Variants in USH2A observed in about 807,000 individuals in gnomAD.
USH2A encodes Usher syndrome 2A (autosomal recessive, mild).
USH2A carries 443 observed loss-of-function variants against 538.9 expected under a neutral mutation model. The observed-to-expected ratio is 0.82, with a 90% CI of 0.76 to 0.89. The LOEUF is 0.89. Ranked by LOEUF, USH2A falls within the 40% of genes least tolerant of loss-of-function variation. The pLI, the probability that USH2A is intolerant of heterozygous loss-of-function variation, is 0.00. For synonymous variants in USH2A, 2,413 were observed against 2,273.5 expected (o/e 1.06, Z -1.75); for missense variants, 6,633 against 6,324.8 (o/e 1.05, Z -1.65).
intron 10 of USH2A, among the ~76,000 whole-genome samples, chr1:216,291,330 C>T (rs988067000): frequency 6.6e-6 from 1 of 152,152 alleles, no homozygotes; most frequent in Non-Finnish European, 1.5e-5. Context: ...CCTTAGTTCA[C>T]CATCCTAATC....
intron 4 of USH2A, 144 bp downstream of exon 4, chr1:216,364,809 A>G (rs2038563150): frequency 9.0e-7 from 1 of 1,109,908 alleles, no homozygotes; most frequent in African/African-American, 1.6e-5. Context: ...ACTTTCATTA[A>G]TCTGCCATCC....
intron 44 of USH2A, among the ~76,000 whole-genome samples, chr1:215,854,220 A>G (rs1347795888): frequency 6.6e-6 from 1 of 152,166 alleles, no homozygotes; most frequent in Non-Finnish European, 1.5e-5. Context: ...TTGTGCAGGG[A>G]AACTCCCCTT....
At chr1:215,770,327 G>A (rs1320907088) in intron 55 of USH2A, among the ~76,000 whole-genome samples, 4 of 151,938 alleles carry the variant, frequency 2.6e-5, no homozygotes, top group Non-Finnish European at 5.9e-5. Context: ...CATAAAAATG[G>A]TAGAAACCAT....
intron 38 of USH2A, among the ~76,000 whole-genome samples, chr1:215,902,068 T>C (rs541589426): frequency 2.0e-5 from 3 of 152,306 alleles, no homozygotes; most frequent in African/African-American, 7.2e-5. Context: ...GAACTTTCTT[T>C]AGCATAATTT....
intron 3 of USH2A, among the ~76,000 whole-genome samples, chr1:216,400,954 A>G (rs2039293502): frequency 6.6e-6 from 1 of 152,206 alleles, no homozygotes; most frequent in Admixed American, 6.5e-5. Context: ...TTCTTTAAAT[A>G]GAAACAAAAT....
intron 12 of USH2A, among the ~76,000 whole-genome samples, chr1:216,249,042 T>C (rs557031947): frequency 3.5e-4 from 54 of 152,254 alleles, no homozygotes; most frequent in Non-Finnish European, 6.0e-4. Context: ...TTCTGAAGCG[T>C]ATACAACATA....
chr1:216,410,023 A>C (rs1461597825), intron 3 of USH2A, among the ~76,000 whole-genome samples: 1 of 152,112 alleles, frequency 6.6e-6, no homozygotes, highest in Non-Finnish European at 1.5e-5. Context: ...TACAAGAAAA[A>C]AACAACCCTA....
intron 51 of USH2A, among the ~76,000 whole-genome samples, chr1:215,788,759 C>A (rs991442829): frequency 1.3e-5 from 2 of 152,054 alleles, no homozygotes; most frequent in Non-Finnish European, 2.9e-5. Context: ...TCTGAGTAGA[C>A]ATAATTTTTA....
At chr1:216,181,390 G>A (rs1036502965) in intron 20 of USH2A, among the ~76,000 whole-genome samples, 4 of 152,198 alleles carry the variant, frequency 2.6e-5, no homozygotes, top group African/African-American at 9.6e-5. Context: ...GAAGCCAGCA[G>A]GAGCCCCTCT....
intron 4 of USH2A, among the ~76,000 whole-genome samples, chr1:216,344,705 C>T (rs1353042191): frequency 2.6e-5 from 4 of 151,460 alleles, no homozygotes; most frequent in Admixed American, 6.6e-5. Flanking sequence ...AATTTAGGGG[C>T]GTTAGAGTCT....
intron 37 of USH2A, among the ~76,000 whole-genome samples, chr1:215,940,165 A>G (rs1666600020): frequency 6.6e-6 from 1 of 152,106 alleles, no homozygotes; most frequent in Non-Finnish European, 1.5e-5. Flanking sequence ...TCTGAATCCA[A>G]TTACACCTTA....
chr1:216,409,609 C>T (rs2039451409), intron 3 of USH2A, among the ~76,000 whole-genome samples: 1 of 152,010 alleles, frequency 6.6e-6, no homozygotes, highest in Non-Finnish European at 1.5e-5. Flanking sequence ...TTTGAGAAAG[C>T]TGACAAAAAC....
chr1:216,368,776 A>G (rs1008198323), intron 3 of USH2A, among the ~76,000 whole-genome samples: 1 of 152,190 alleles, frequency 6.6e-6, no homozygotes, highest in Non-Finnish European at 1.5e-5. Context: ...TTGAGAAATT[A>G]TGTCTTAATT....
At chr1:216,175,570 T>TG in intron 20 of USH2A, 88 bp from the exon 21 acceptor site, 1 of 1,211,366 alleles carries the variant, frequency 8.3e-7, no homozygotes, top group African/African-American at 1.5e-5. Flanking sequence ...TATGTATTTG[T>TG]ATATATCACA....
intron 37 of USH2A, among the ~76,000 whole-genome samples, chr1:215,943,772 CTA>C (rs1012834416): frequency 2.0e-5 from 3 of 152,152 alleles, no homozygotes; most frequent in African/African-American, 7.2e-5. Context: ...CTGGTCTGGG[CTA>C]TGTTATTTGT....
At chr1:215,831,399 C>G (rs1330784225) in intron 47 of USH2A, among the ~76,000 whole-genome samples, 1 of 152,092 alleles carries the variant, frequency 6.6e-6, no homozygotes, top group African/African-American at 2.4e-5. Flanking sequence ...TATCTGACAA[C>G]AACAGACTGT....
At chr1:215,741,290 G>T in intron 60 of USH2A, 85 bp downstream of exon 60, 1 of 1,469,406 alleles carries the variant, frequency 6.8e-7, no homozygotes, top group Non-Finnish European at 9.5e-7. Context: ...TTCTCTTATG[G>T]AAATATAAAA....
At chr1:215,687,162 G>A (rs920512580) in intron 61 of USH2A, among the ~76,000 whole-genome samples, 1 of 152,100 alleles carries the variant, frequency 6.6e-6, no homozygotes, top group Non-Finnish European at 1.5e-5. Context: ...GTACTCATAA[G>A]TGTTAAAGCA....
chr1:215,874,205 A>G (rs192472197), intron 43 of USH2A, among the ~76,000 whole-genome samples: 1 of 152,298 alleles, frequency 6.6e-6, no homozygotes, highest in East Asian at 1.9e-4. Flanking sequence ...TGAAAATGTC[A>G]GGAAACCCAA....
Sources: allele counts gnomAD v4.1 joint callset (sites outside exome capture counted in the v4.1 genomes callset), GRCh38; gene constraint gnomAD v4.1.1; transcripts MANE v1.5; gene names NCBI Gene and HGNC (gene_info 2026-07-23, HGNC 2026-07-21).